Variants in MCM9 observed in about 807,000 individuals in gnomAD.
MCM9 encodes the protein DNA helicase MCM9.
In MCM9, 55 loss-of-function variants were observed where a neutral mutation model predicts 72.8. The ratio of observed to expected loss-of-function variants is 0.76; its 90% confidence interval spans 0.61 to 0.95. The LOEUF (loss-of-function observed/expected upper bound fraction) is 0.95, where lower values mean the gene tolerates loss of function less well. Ranked by LOEUF, MCM9 falls within the 40% of genes least tolerant of loss-of-function variation. The pLI, the probability that MCM9 is intolerant of heterozygous loss-of-function variation, is 0.00. For synonymous variants in MCM9, 480 were observed against 503.4 expected (o/e 0.95, Z 0.62); for missense variants, 1,279 against 1,377.0 (o/e 0.93, Z 1.13).
chr6:118,894,880 C>T (rs759011481), intron 8 of MCM9, among the ~76,000 whole-genome samples: 1 of 152,184 alleles, frequency 6.6e-6, no homozygotes, highest in African/African-American at 2.4e-5. Context: ...CCGCGACCCT[C>T]CGGGCCCGAG....
chr6:118,890,712 A>G (rs1439598073), intron 8 of MCM9, among the ~76,000 whole-genome samples: 2 of 152,202 alleles, frequency 1.3e-5, no homozygotes, highest in Admixed American at 6.5e-5. Flanking sequence ...ACTCCATCAA[A>G]TCTCTAGTCT....
chr6:118,819,504 C>T (rs1339711388), intron 13 of MCM9, among the ~76,000 whole-genome samples: 4 of 152,136 alleles, frequency 2.6e-5, no homozygotes, highest in Non-Finnish European at 5.9e-5. Flanking sequence ...TTTTGATGTG[C>T]TGCTGTATTC....
chr6:118,907,959 G>C lies in MCM9; in HGVS notation c.1150+3691C>G, dbSNP rs1185248309. ...TGTCTTGGCCTCCCAGACAGTCTTTGGACCACTATTTTACTGGCCTTTGAA... is the reference window on the plus strand; with the variant it reads ...TGTCTTGGCCTCCCAGACAGTCTTTCGACCACTATTTTACTGGCCTTTGAA... On this transcript the variant is annotated intron_variant, in intron 8 of 13. Transcript: ENST00000619706. 4 of 173,338 alleles carry C rather than the reference G, an allele frequency of 2.3e-5. No individual in the cohort carries two copies. The South Asian group carries it at 6.4e-4, about 28-fold the overall frequency. 10.7% of individuals were successfully genotyped at this position (173,338 alleles called of 1,614,324 possible). A position where few individuals can be genotyped will look rare whatever the true frequency, so the allele number is the denominator to read the frequency against.
intron 13 of MCM9, among the ~76,000 whole-genome samples, chr6:118,817,123 TTTC>T (rs1773457123): frequency 6.6e-6 from 1 of 152,118 alleles, no homozygotes; most frequent in South Asian, 2.1e-4. Context: ...GAAGGACAAC[TTTC>T]TTGTTTTTTT....
chr6:118,873,506 CT>C (rs1452361537), intron 8 of MCM9, among the ~76,000 whole-genome samples: 1 of 152,174 alleles, frequency 6.6e-6, no homozygotes, highest in Non-Finnish European at 1.5e-5. Context: ...AAACAAACAA[CT>C]CTGCCCATAA....
At chr6:118,925,052 G>A (rs919173143) in intron 3 of MCM9, among the ~76,000 whole-genome samples, 6 of 150,930 alleles carry the variant, frequency 4.0e-5, no homozygotes, top group Non-Finnish European at 5.9e-5. Flanking sequence ...CAAAAAAAAA[G>A]AAAGACAGGG....
intron 13 of MCM9, among the ~76,000 whole-genome samples, chr6:118,816,805 C>G (rs569184823): frequency 2.0e-4 from 30 of 152,184 alleles, no homozygotes; most frequent in African/African-American, 7.0e-4. Flanking sequence ...AGTTGAGGTA[C>G]TGAGTGCATC....
rs753206040 is a variant in MCM9, at chr6:118,931,473, A to C, written c.251T>G (p.Leu84Arg). The C allele has an allele frequency of 1.9e-6, 3 of 1,614,096 alleles. No individual in the cohort carries two copies. The highest frequency in any genetic ancestry group is 2.5e-6 in the Non-Finnish European group (3 of 1,179,922). The change falls in exon 3 of 14, where the codon CTT becomes CGT. Residue 84 changes from leucine to arginine, a missense_variant. Coordinates refer to ENST00000619706, the MANE Select transcript of MCM9 (RefSeq NM_017696.3). ...CATGGAAACAGCCTCAGGCTGAGAA[A>C]GGGACTGGAGAATTGTCAAGGCTGA... ...RRSALTILQS[L>R]SQPEAVSMKQ...
At chr6:118,863,371 A>G (rs1434013546) in intron 8 of MCM9, among the ~76,000 whole-genome samples, 2 of 152,210 alleles carry the variant, frequency 1.3e-5, no homozygotes, top group Non-Finnish European at 2.9e-5. Flanking sequence ...ACTTTAAAAA[A>G]AGTTTTTAAA....
intron 3 of MCM9, among the ~76,000 whole-genome samples, chr6:118,925,082 A>T (rs904116503): frequency 6.6e-6 from 1 of 151,422 alleles, no homozygotes; most frequent in Non-Finnish European, 1.5e-5. Flanking sequence ...GGAAGGAGGG[A>T]AGGAGAAAGA....
intron 9 of MCM9, among the ~76,000 whole-genome samples, chr6:118,844,250 G>A (rs1257630331): frequency 6.6e-6 from 1 of 151,624 alleles, no homozygotes; most frequent in East Asian, 1.9e-4. Context: ...TCTAATTAGG[G>A]GTAATGAACT....
At chr6:118,879,242 GA>G (rs1778131108) in intron 8 of MCM9, among the ~76,000 whole-genome samples, 1 of 59,158 alleles carries the variant, frequency 1.7e-5, no homozygotes, top group East Asian at 6.0e-4. Context: ...TGTTAGAATG[GA>G]GGGGGAAAAA....
rs149279577 is a variant in MCM9, at chr6:118,857,916, C to T, written c.1151-1371G>A. Among the ~76,000 whole-genome samples, 1,276 of 152,204 alleles carry T rather than the reference C, an allele frequency of 8.4e-3. 20 individuals are homozygous for T. Among genetic ancestry groups the T allele is most frequent in the East Asian group, 0.048 (250 of 5,194 alleles). ...GGCTGAGATGGCTTCATAGTGAATT[C>T]TACCAAATATTTGAGAAATAATGTC... On this transcript the variant is annotated intron_variant, in intron 8 of 13. Transcript: ENST00000619706.
intron 6 of MCM9, among the ~76,000 whole-genome samples, chr6:118,913,960 A>T (rs1217815739): frequency 6.6e-6 from 1 of 152,150 alleles, no homozygotes; most frequent in Non-Finnish European, 1.5e-5. Context: ...TGCCTAAATA[A>T]AAGGAAGGTA....
In MCM9 at chr6:118,828,068, T is replaced by C. The variant is rs1213282559; in HGVS notation, c.1591A>G (p.Ile531Val). 4 of 1,550,714 alleles carry C rather than the reference T, an allele frequency of 2.6e-6. No homozygotes were observed. The highest frequency in any genetic ancestry group is 2.4e-5 in the East Asian group (1 of 40,928). Reference protein sequence around the residue: ...MEKMKTYFCLIRNLQPTLSDV... With the variant: ...MEKMKTYFCLVRNLQPTLSDV... Reference sequence around the variant, plus strand: ...GACAGTGTGGGCTGCAGATTCCTTATGAGGCAGAAATAGGTTTTCATCTTT... The same window carrying C: ...GACAGTGTGGGCTGCAGATTCCTTACGAGGCAGAAATAGGTTTTCATCTTT... The change falls in exon 11 of 14, where the codon ATA becomes GTA. Residue 531 changes from isoleucine to valine, a missense_variant. Coordinates refer to ENST00000619706, the MANE Select transcript of MCM9 (RefSeq NM_017696.3).
intron 8 of MCM9, among the ~76,000 whole-genome samples, chr6:118,890,419 G>A (rs1477278047): frequency 2.0e-5 from 3 of 152,106 alleles, no homozygotes; most frequent in Non-Finnish European, 4.4e-5. Context: ...CTCAAAAACA[G>A]GTATTTTAAA....
chr6:118,828,468 C>T (rs1160347634), intron 10 of MCM9, among the ~76,000 whole-genome samples: 1 of 152,064 alleles, frequency 6.6e-6, no homozygotes, highest in Admixed American at 6.5e-5. Context: ...TCACTGCAAC[C>T]TCTACCTCCT....
At chr6:118,917,011 A>T (rs2114309286) in intron 6 of MCM9, among the ~76,000 whole-genome samples, 1 of 152,344 alleles carries the variant, frequency 6.6e-6, no homozygotes, top group South Asian at 2.1e-4. Context: ...ATTTTTTAAT[A>T]AAATACACTA....
Position 118,815,192 on chromosome 6 carries a change from G to C in MCM9, c.3064C>G (p.Leu1022Val). The C allele has an allele frequency of 6.4e-7, 1 of 1,550,454 alleles. No individual in the cohort carries two copies. The part of the protein sequence containing the change: ...EKRIIQPELE[L>V]GNETGCAHLT... Reference sequence around the variant, plus strand: ...TGAGCACACCCAGTCTCGTTCCCAAGCTCTAATTCAGGCTGAATAATCCTC... The same window carrying C: ...TGAGCACACCCAGTCTCGTTCCCAACCTCTAATTCAGGCTGAATAATCCTC... Residue 1022 changes from leucine (L) to valine (V), a missense_variant, in exon 14 of 14, where the codon CTT (leucine) becomes GTT (valine). Physicochemically the swap from Leu to Val is conservative, Grantham distance 32. Transcript: ENST00000619706.
Sources: gnomAD v4.1 joint callset for allele counts (sites outside exome capture counted in the v4.1 genomes callset) on GRCh38, gnomAD v4.1.1 for gene constraint, MANE v1.5 for transcripts, NCBI Gene and HGNC (gene_info 2026-07-23, HGNC 2026-07-21) for gene names.